The following MAGI1 variants were observed in gnomAD, a reference collection of about 807,000 sequenced individuals.
MAGI1 encodes membrane associated guanylate kinase, WW and PDZ domain containing 1, also known as membrane-associated guanylate kinase, WW and PDZ domain-containing protein 1.
In MAGI1, 58 loss-of-function variants were observed where a neutral mutation model predicts 139.9. That is an observed-to-expected ratio of 0.41 (90% CI 0.34 to 0.52). MAGI1 has a LOEUF of 0.52. Among genes scored for constraint, MAGI1 ranks in the 20% least tolerant of loss-of-function variants. The probability of loss-of-function intolerance (pLI) is 0.12; values close to 1 mark genes in which losing one functional copy is unlikely to be tolerated. For missense variants in MAGI1, 1,874 were observed against 1,901.6 expected, an observed-to-expected ratio of 0.99 and a Z score of 0.27; for synonymous variants, 812 against 737.9, an observed-to-expected ratio of 1.10 and a Z score of -1.63.
At chr3:65,448,220 T>C in intron 6 of MAGI1, 163 bp from the exon 7 acceptor site, 1 of 670,876 alleles carries the variant, frequency 1.5e-6, no homozygotes, top group Non-Finnish European at 2.7e-6. Context: ...GATAGTAAAC[T>C]TGCGACCTCA....
At chr3:65,388,252 G>A (rs769790173) in intron 14 of MAGI1, among the ~76,000 whole-genome samples, 8 of 152,196 alleles carry the variant, frequency 5.3e-5, no homozygotes, top group Non-Finnish European at 1.2e-4. Context: ...TTTAGACCAT[G>A]TGAAGGAATG....
At chr3:65,589,374 G>A (rs1279778193) in intron 2 of MAGI1, among the ~76,000 whole-genome samples, 2 of 152,006 alleles carry the variant, frequency 1.3e-5, no homozygotes, top group African/African-American at 2.4e-5. Flanking sequence ...TGACTTTCCC[G>A]TCTACTAAGT....
intron 1 of MAGI1, among the ~76,000 whole-genome samples, chr3:65,639,609 G>A (rs4624510): frequency 0.06 from 9,187 of 152,172 alleles, 917 homozygotes; most frequent in African/African-American, 0.21. Context: ...TGTATCAACG[G>A]ACTGAGTAAG....
chr3:65,894,738 C>T, intron 1 of MAGI1, among the ~76,000 whole-genome samples: 1 of 152,206 alleles, frequency 6.6e-6, no homozygotes. Context: ...CAATGAGCTA[C>T]AAACTCCATC....
chr3:65,979,039 G>A (rs7631094), intron 1 of MAGI1, among the ~76,000 whole-genome samples: 60,513 of 145,820 alleles, frequency 0.41, 14,260 homozygotes, highest in Admixed American at 0.6. Flanking sequence ...TTAAAATTCT[G>A]GAAAAAGAAG....
chr3:65,953,616 T>C lies in MAGI1; in HGVS notation c.313+84380A>G, dbSNP rs370416538. On this transcript the variant is annotated intron_variant, in intron 1 of 22. Transcript: ENST00000402939. ...CAGGGAAACCAGCCCTACAGGTGTATCCAGGGAGGCAGGTGTACAAGGCCA... is the reference window on the plus strand; with the variant it reads ...CAGGGAAACCAGCCCTACAGGTGTACCCAGGGAGGCAGGTGTACAAGGCCA... Among the ~76,000 whole-genome samples the C allele has an allele frequency of 2.0e-4, 31 of 152,250 alleles. No homozygotes were observed. In the East Asian group the frequency reaches 3.1e-3, roughly 15 times the overall value.
chr3:65,808,409 G>A (rs529922928), intron 1 of MAGI1, among the ~76,000 whole-genome samples: 68 of 152,188 alleles, frequency 4.5e-4, no homozygotes, highest in African/African-American at 1.5e-3. Flanking sequence ...TGAGGCAGGA[G>A]AATAGCTTGA....
intron 2 of MAGI1, among the ~76,000 whole-genome samples, chr3:65,561,234 A>C (rs2080331701): frequency 6.6e-6 from 1 of 152,170 alleles, no homozygotes; most frequent in Non-Finnish European, 1.5e-5. Context: ...CAGAGCTATG[A>C]GTTATTCATA....
chr3:65,598,966 G>A (rs1237371268), intron 2 of MAGI1, among the ~76,000 whole-genome samples: 1 of 152,216 alleles, frequency 6.6e-6, no homozygotes, highest in Admixed American at 6.5e-5. Flanking sequence ...GAGAGTGAAT[G>A]CCTCCAGACT....
At chr3:66,017,718 A>C (rs1473913082) in intron 1 of MAGI1, among the ~76,000 whole-genome samples, 1 of 152,116 alleles carries the variant, frequency 6.6e-6, no homozygotes, top group Non-Finnish European at 1.5e-5. Flanking sequence ...AGAGGCACTA[A>C]ATCAAGCTCC....
At chr3:65,665,274 T>C (rs1211487984) in intron 1 of MAGI1, among the ~76,000 whole-genome samples, 2 of 152,148 alleles carry the variant, frequency 1.3e-5, no homozygotes, top group South Asian at 2.1e-4. Context: ...TCCACAATAA[T>C]ATATGTCCAG....
chr3:65,891,215 C>CAAAAAAA (rs58690899), intron 1 of MAGI1, among the ~76,000 whole-genome samples: 2 of 102,264 alleles, frequency 2.0e-5, no homozygotes, highest in Non-Finnish European at 3.8e-5. Context: ...AAAACACACA[C>CAAAAAAA]AAAAAAAAAA....
chr3:65,356,579 G>T lies in MAGI1; in HGVS notation c.4188C>A (p.Ala1396=). The T allele has an allele frequency of 5.6e-6, 9 of 1,605,858 alleles. No individual in the cohort carries two copies. The highest frequency in any genetic ancestry group is 7.6e-6 in the Non-Finnish European group (9 of 1,178,264). ...GTGCGCGCCTCCGGTCGGTGGACTT[G>T]GCCCTGCGCTCGGGCGAGCCCCCTC... The part of the protein sequence containing the change: ...RRRGGSPERR[A]KSTDRRRARS... Residue 1396 remains alanine, a synonymous_variant, in exon 23 of 23, where the codon GCC becomes GCA. Transcript: ENST00000402939.
At position 66,009,943 on chromosome 3, in the gene MAGI1, G is replaced by C. The variant is rs117273331; in HGVS notation, c.313+28053C>G. Among the ~76,000 whole-genome samples, 19 of 151,900 alleles carry C rather than the reference G, an allele frequency of 1.3e-4. No homozygotes were observed. In the East Asian group the frequency reaches 3.3e-3, roughly 27 times the overall value. On this transcript the variant is annotated intron_variant, in intron 1 of 22. Coordinates refer to ENST00000402939, the MANE Select transcript of MAGI1 (RefSeq NM_001033057.2). ...ATACAAAAATGAGATGGGTATGCTG[G>C]TGGGTGCCTGTAATCCCAGTTACTC...
At chr3:65,455,836 CTCA>C (rs1384543101) in intron 5 of MAGI1, among the ~76,000 whole-genome samples, 5 of 152,120 alleles carry the variant, frequency 3.3e-5, no homozygotes, top group African/African-American at 9.7e-5. Context: ...CAGCATAATT[CTCA>C]TCAAGATTGT....
chr3:65,557,369 T>C (rs2080136651), intron 2 of MAGI1, among the ~76,000 whole-genome samples: 1 of 152,160 alleles, frequency 6.6e-6, no homozygotes, highest in Non-Finnish European at 1.5e-5. Context: ...GCCATGTAAG[T>C]GATAATCAAA....
chr3:65,769,159 G>A lies in MAGI1; in HGVS notation c.314-147071C>T, dbSNP rs1486566558. Among the ~76,000 whole-genome samples the A allele has an allele frequency of 2.0e-5, 3 of 152,084 alleles. No homozygotes were observed. The East Asian group carries it at 5.8e-4, about 29-fold the overall frequency. On this transcript the variant is annotated intron_variant, in intron 1 of 22. Transcript: ENST00000402939. ...AGGAAAATATTCTTTAAAAGTTGTC[G>A]ATCTGTTTTTTTCTGATGACAAAAA...
At chr3:65,746,569 C>T (rs1372281822) in intron 1 of MAGI1, among the ~76,000 whole-genome samples, 1 of 152,110 alleles carries the variant, frequency 6.6e-6, no homozygotes, top group African/African-American at 2.4e-5. Flanking sequence ...TACTTGACAT[C>T]TCATCCAACC....
chr3:65,693,846 C>T (rs1354282904), intron 1 of MAGI1, among the ~76,000 whole-genome samples: 1 of 152,064 alleles, frequency 6.6e-6, no homozygotes, highest in Non-Finnish European at 1.5e-5. Flanking sequence ...GCCTCAGCCC[C>T]CGAGCAGCTG....
Sources: allele counts gnomAD v4.1 joint callset (sites outside exome capture counted in the v4.1 genomes callset), GRCh38; gene constraint gnomAD v4.1.1; transcripts MANE v1.5; gene names NCBI Gene and HGNC (gene_info 2026-07-23, HGNC 2026-07-21).